Variants in NUPR1 observed in about 807,000 individuals in gnomAD.
NUPR1 encodes the protein nuclear protein 1.
A neutral mutation model predicts 7.3 loss-of-function variants in NUPR1; 8 were observed. That is an observed-to-expected ratio of 1.09 (90% confidence interval 0.64 to 1.97). The LOEUF (loss-of-function observed/expected upper bound fraction) is 1.97. Ranked by LOEUF, NUPR1 falls within the 30% of genes most tolerant of loss-of-function variation. The pLI is 0.00. For missense variants in NUPR1, 96 were observed against 111.7 expected, an observed-to-expected ratio of 0.86 and a Z score of 0.63; for synonymous variants, 39 against 44.5, an observed-to-expected ratio of 0.88 and a Z score of 0.49.
chr16:28,538,760 G>A, intron 1 of NUPR1, 36 bp downstream of exon 1: 2 of 1,496,462 alleles, frequency 1.3e-6, no homozygotes, highest in Admixed American at 1.7e-5. Context: ...TTCGGGAGAG[G>A]AGGAAGGACC....
intron 1 of NUPR1, 27 bp from the exon 2 acceptor site, chr16:28,538,182 G>C (rs1410160282): frequency 6.2e-7 from 1 of 1,614,106 alleles, no homozygotes; most frequent in Admixed American, 1.7e-5. Context: ...AGTCAGAGGT[G>C]AAGTGGGCAT....
At position 28,535,937 on chromosome 16, in the gene NUPR1, C is replaced by G. The variant is rs1165412635; in HGVS notation, c.*1746G>C. The G allele has an allele frequency of 1.3e-5, 2 of 152,212 alleles. No homozygotes were observed. Among genetic ancestry groups the G allele is most frequent in the Non-Finnish European group, 2.9e-5 (2 of 68,148 alleles). 9.4% of individuals were successfully genotyped at this position (152,212 alleles called of 1,614,324 possible). A position where few individuals can be genotyped will look rare whatever the true frequency, so the allele number is the denominator to read the frequency against. ...TGTTGCCTAGGCTGGTCTCGAACTCCTGGCCTCAAGCGATCCTCCCTCCTT... is the reference window on the plus strand; with the variant it reads ...TGTTGCCTAGGCTGGTCTCGAACTCGTGGCCTCAAGCGATCCTCCCTCCTT... On this transcript the variant is annotated 3_prime_UTR_variant, in exon 3 of 3. Coordinates refer to ENST00000324873, the MANE Select transcript of NUPR1 (RefSeq NM_012385.3).
chr16:28,538,288 A>G, intron 1 of NUPR1, 133 bp from the exon 2 acceptor site: 1 of 1,336,416 alleles, frequency 7.5e-7, no homozygotes, highest in Admixed American at 1.9e-5. Flanking sequence ...CCTCTGTGGA[A>G]TGTGGGACCC....
chr16:28,535,563 C>CTTTCTTT lies in NUPR1; in HGVS notation c.*2119_*2120insAAAGAAA, dbSNP rs780569587. The CTTTCTTT allele has an allele frequency of 1.4e-3, 95 of 67,166 alleles. 1 individual carries two copies. The highest frequency in any genetic ancestry group is 2.1e-3 in the Admixed American group (11 of 5,338). The allele number at this position is 67,166 out of a possible 1,614,324, so 4.2% of individuals were successfully genotyped here. A position where few individuals can be genotyped will look rare whatever the true frequency, so the allele number is the denominator to read the frequency against. On this transcript the variant is annotated 3_prime_UTR_variant, in exon 3 of 3. Transcript: ENST00000324873. Reference sequence around the variant, plus strand: ...TCTTTCCTTCTTTCTTTCTTTCTTTCCTTCCTTCCTTTCTTTCTTTCTTTC... The same window carrying CTTTCTTT: ...TCTTTCCTTCTTTCTTTCTTTCTTTCTTTCTTTCTTCCTTCCTTTCTTTCTTTCTTTC...
intron 1 of NUPR1, 115 bp downstream of exon 1, chr16:28,538,681 A>G (rs1368233275): frequency 1.1e-6 from 1 of 910,864 alleles, no homozygotes. Context: ...CTCTCTCAAA[A>G]AAAAAGAAAG....
rs1174798994 is a variant in NUPR1 at position 28,536,660 on chromosome 16, TTTTG to T, written c.*1019_*1022del. 18 of 152,958 alleles carry T rather than the reference TTTTG, an allele frequency of 1.2e-4. No homozygotes were observed. The highest frequency in any genetic ancestry group is 9.5e-4 in the East Asian group (5 of 5,236). The allele number at this position is 152,958 out of a possible 1,614,324, so 9.5% of individuals were successfully genotyped here. ...TGAGCCACTGCTCCCAGACTTTAGT[TTTTG>T]TTTGTTTGTTTGTTTTGAGACAGAG... On this transcript the variant is annotated 3_prime_UTR_variant, in exon 3 of 3. Coordinates refer to ENST00000324873, the MANE Select transcript of NUPR1 (RefSeq NM_012385.3).
In NUPR1 at chr16:28,535,560, TTTCCTTCCTTCC is replaced by T. The variant is rs750713077; in HGVS notation, c.*2111_*2122del. On this transcript the variant is annotated 3_prime_UTR_variant, in exon 3 of 3. Coordinates refer to ENST00000324873, the MANE Select transcript of NUPR1 (RefSeq NM_012385.3). ...CTTTCTTTCCTTCTTTCTTTCTTTCTTTCCTTCCTTCCTTTCTTTCTTTCTTTCTTTCTTTCT... is the reference window on the plus strand; with the variant it reads ...CTTTCTTTCCTTCTTTCTTTCTTTCTTTTCTTTCTTTCTTTCTTTCTTTCT... 1 of 64,236 alleles carries T rather than the reference TTTCCTTCCTTCC, an allele frequency of 1.6e-5. No individual in the cohort carries two copies. The highest frequency in any genetic ancestry group is 3.6e-5 in the Non-Finnish European group (1 of 28,002). The allele number at this position is 64,236 out of a possible 1,614,324, so 4.0% of individuals were successfully genotyped here.
chr16:28,538,565 G>T lies in NUPR1; in HGVS notation c.112+231C>A, dbSNP rs1468726365. The T allele has an allele frequency of 9.2e-6, 6 of 651,030 alleles. No individual in the cohort carries two copies. In the East Asian group the frequency reaches 1.8e-4, roughly 19 times the overall value. 40.3% of individuals were successfully genotyped at this position (651,030 alleles called of 1,614,324 possible). A position where few individuals can be genotyped will look rare whatever the true frequency, so the allele number is the denominator to read the frequency against. On this transcript the variant is annotated intron_variant, in intron 1 of 2. Coordinates refer to ENST00000324873, the MANE Select transcript of NUPR1 (RefSeq NM_012385.3). ...TACACCTGAAGTTCCAGCCACTCAGGAGGCTGAAGCAGGAGGATCACTTGA... is the reference window on the plus strand; with the variant it reads ...TACACCTGAAGTTCCAGCCACTCAGTAGGCTGAAGCAGGAGGATCACTTGA...
Position 28,538,934 on chromosome 16 carries a change from T to C in NUPR1, c.-27A>G. On this transcript the variant is annotated 5_prime_UTR_variant, in exon 1 of 3. Transcript: ENST00000324873. ...GTGCCTGGCTTGTCTTCCCTGCCTCTCTTCTTCTCCTAACGCTTTGTCTGT... is the reference window on the plus strand; with the variant it reads ...GTGCCTGGCTTGTCTTCCCTGCCTCCCTTCTTCTCCTAACGCTTTGTCTGT... The C allele has an allele frequency of 6.3e-7, 1 of 1,580,528 alleles. No homozygotes were observed. The highest frequency in any genetic ancestry group is 8.7e-7 in the Non-Finnish European group (1 of 1,153,484).
rs1567277552 is a variant in NUPR1, at chr16:28,535,584, C to CTTTCTT, written c.*2093_*2098dup. 2.8e-5 allele frequency: 1 copy of CTTTCTT among 35,908 alleles called. No individual in the cohort carries two copies. The highest frequency in any genetic ancestry group is 4.6e-5 in the Non-Finnish European group (1 of 21,510). 2.2% of individuals were successfully genotyped at this position (35,908 alleles called of 1,614,324 possible). A position where few individuals can be genotyped will look rare whatever the true frequency, so the allele number is the denominator to read the frequency against. On this transcript the variant is annotated 3_prime_UTR_variant, in exon 3 of 3. Coordinates refer to ENST00000324873, the MANE Select transcript of NUPR1 (RefSeq NM_012385.3). ...CTTTCCTTCCTTCCTTTCTTTCTTT[C>CTTTCTT]TTTCTTTCTTTCTTTCTTTCTTTCT...
At chr16:28,538,284 TG>T (rs2046639655) in intron 1 of NUPR1, 129 bp from the exon 2 acceptor site, 1 of 1,383,518 alleles carries the variant, frequency 7.2e-7, no homozygotes, top group African/African-American at 1.4e-5. Flanking sequence ...TTCCCCTCTG[TG>T]GAATGTGGGA....
rs1030193385 is a variant in NUPR1 at position 28,535,298 on chromosome 16, C to A, written c.*2385G>T. 6.6e-6 allele frequency: 1 copy of A among 151,554 alleles called. No homozygotes were observed. Among genetic ancestry groups the A allele is most frequent in the African/African-American group, 2.4e-5 (1 of 41,168 alleles). 9.4% of individuals were successfully genotyped at this position (151,554 alleles called of 1,614,324 possible). On this transcript the variant is annotated 3_prime_UTR_variant, in exon 3 of 3. Transcript: ENST00000324873. ...CCCTCCTTTCCTTCCTCTTTCTTTC[C>A]CTCCTTCTCTCTTTCTTTCTCTCTC...
rs2046644304 is a variant in NUPR1 at position 28,538,839 on chromosome 16, G to T, written c.69C>A (p.Ser23Arg). The change falls in exon 1 of 3, where the codon AGC (serine) becomes AGA (arginine). Residue 23 changes from serine to arginine, a missense_variant. By Grantham distance (110) the Ser-to-Arg change is moderately radical. Coordinates refer to ENST00000324873, the MANE Select transcript of NUPR1 (RefSeq NM_012385.3). ...QPPGPEDEDS[S>R]LDESDLYSLA... ...GGCTATAGAGGTCAGATTCATCCAG[G>T]CTGGAGTCCTCGTCCTCCGGGCCTG... 1 of 1,613,284 alleles carries T rather than the reference G, an allele frequency of 6.2e-7. No homozygotes were observed. The highest frequency in any genetic ancestry group is 8.5e-7 in the Non-Finnish European group (1 of 1,179,790).
In NUPR1 at chr16:28,535,556, TTTCTTTCCTTCCTTCC is replaced by T. The variant is rs2046608175; in HGVS notation, c.*2111_*2126del. ...CTTTCTTTCTTTCCTTCTTTCTTTCTTTCTTTCCTTCCTTCCTTTCTTTCTTTCTTTCTTTCTTTCT... is the reference window on the plus strand; with the variant it reads ...CTTTCTTTCTTTCCTTCTTTCTTTCTTTTCTTTCTTTCTTTCTTTCTTTCT... On this transcript the variant is annotated 3_prime_UTR_variant, in exon 3 of 3. Transcript: ENST00000324873. 3.1e-5 allele frequency: 1 copy of T among 32,728 alleles called. No individual in the cohort carries two copies. The highest frequency in any genetic ancestry group is 7.9e-5 in the Non-Finnish European group (1 of 12,638). The allele number at this position is 32,728 out of a possible 1,614,324, so 2.0% of individuals were successfully genotyped here. A position where few individuals can be genotyped will look rare whatever the true frequency, so the allele number is the denominator to read the frequency against.
At chr16:28,537,972 C>A in intron 2 of NUPR1, 34 bp downstream of exon 2, 1 of 1,555,732 alleles carries the variant, frequency 6.4e-7, no homozygotes, top group Admixed American at 1.8e-5. Context: ...GCAGAAGCAC[C>A]ACCTTGAGCT....
At position 28,535,528 on chromosome 16, in the gene NUPR1, T is replaced by TTTCTTTCTTTCC. The variant is rs1309916208; in HGVS notation, c.*2154_*2155insGGAAAGAAAGAA. 1.0e-3 allele frequency: 74 copies of TTTCTTTCTTTCC among 73,872 alleles called. 1 individual carries two copies. The highest frequency in any genetic ancestry group is 1.6e-3 in the Non-Finnish European group (56 of 34,572). The allele number at this position is 73,872 out of a possible 1,614,324, so 4.6% of individuals were successfully genotyped here. ...TTTTCTTTCTTTCTTTCTTTCTTTC[T>TTTCTTTCTTTCC]TTCTTTCTTTCTTTCCTTCTTTCTT... On this transcript the variant is annotated 3_prime_UTR_variant, in exon 3 of 3. Transcript: ENST00000324873.
chr16:28,535,623 C>CTTTTTCTTTCTTTCTTTCTTTTT lies in NUPR1; in HGVS notation c.*2059_*2060insAAAAAGAAAGAAAGAAAGAAAAA. ...TTCTTTCTTTCTTTCTTTCTTTCTTCTCTTTCTCTCTCTTTCTTCTTTTTC... is the reference window on the plus strand; with the variant it reads ...TTCTTTCTTTCTTTCTTTCTTTCTTCTTTTTCTTTCTTTCTTTCTTTTTTCTTTCTCTCTCTTTCTTCTTTTTC... On this transcript the variant is annotated 3_prime_UTR_variant, in exon 3 of 3. Coordinates refer to ENST00000324873, the MANE Select transcript of NUPR1 (RefSeq NM_012385.3). 1 of 90,678 alleles carries CTTTTTCTTTCTTTCTTTCTTTTT rather than the reference C, an allele frequency of 1.1e-5. No homozygotes were observed. The highest frequency in any genetic ancestry group is 2.1e-5 in the Non-Finnish European group (1 of 48,656). The allele number at this position is 90,678 out of a possible 1,614,324, so 5.6% of individuals were successfully genotyped here.
intron 1 of NUPR1, 68 bp from the exon 2 acceptor site, chr16:28,538,223 G>T: frequency 6.2e-7 from 1 of 1,610,102 alleles, no homozygotes; most frequent in Non-Finnish European, 8.5e-7. Flanking sequence ...TCAGAGGAGA[G>T]GCAGGGGTTC....
rs747608986 is a variant in NUPR1, at chr16:28,535,580, C to CTTTTTCTTTCTTTCT, written c.*2102_*2103insAGAAAGAAAGAAAAA. 1.4e-4 allele frequency: 5 copies of CTTTTTCTTTCTTTCT among 35,136 alleles called. No individual in the cohort carries two copies. Among genetic ancestry groups the CTTTTTCTTTCTTTCT allele is most frequent in the Non-Finnish European group, 1.9e-4 (4 of 21,204 alleles). The allele number at this position is 35,136 out of a possible 1,614,324, so 2.2% of individuals were successfully genotyped here. ...CTTTCTTTCCTTCCTTCCTTTCTTT[C>CTTTTTCTTTCTTTCT]TTTCTTTCTTTCTTTCTTTCTTTCT... On this transcript the variant is annotated 3_prime_UTR_variant, in exon 3 of 3. Coordinates refer to ENST00000324873, the MANE Select transcript of NUPR1 (RefSeq NM_012385.3).
Sources: allele counts gnomAD v4.1 joint callset, GRCh38; gene constraint gnomAD v4.1.1; transcripts MANE v1.5; gene names NCBI Gene and HGNC (gene_info 2026-07-23, HGNC 2026-07-21).